DSN1: variants seen among roughly 807,000 people sequenced by gnomAD.
The protein encoded by DSN1 is DSN1 component of MIS12 kinetochore complex.
Under a neutral mutation model 45.7 loss-of-function variants are expected in DSN1, and 31 were observed. The observed-to-expected ratio is 0.68, with a 90% CI of 0.51 to 0.92. DSN1 has a LOEUF of 0.92. DSN1 is among the 40% of genes least tolerant of loss of function. The pLI is 0.00. For synonymous variants in DSN1, 134 were observed against 142.3 expected (o/e 0.94, Z 0.41); for missense variants, 394 against 414.2 (o/e 0.95, Z 0.42).
chr20:36,759,155 G>C (rs1214290415), intron 6 of DSN1, among the ~76,000 whole-genome samples: 1 of 151,848 alleles, frequency 6.6e-6, no homozygotes. Context: ...GCTAATTTTT[G>C]TATTTTTAGT....
chr20:36,758,455 T>C, intron 7 of DSN1, 103 bp downstream of exon 7: 1 of 1,013,550 alleles, frequency 9.9e-7, no homozygotes. Flanking sequence ...GATGCACTAA[T>C]GCTGACTCTC....
intron 3 of DSN1, among the ~76,000 whole-genome samples, chr20:36,768,561 G>A (rs1274289876): frequency 6.6e-6 from 1 of 152,190 alleles, no homozygotes; most frequent in Non-Finnish European, 1.5e-5. Context: ...ATTTTTAGTA[G>A]AGACAGGGTT....
intron 6 of DSN1, 88 bp downstream of exon 6, chr20:36,762,373 G>C: frequency 8.3e-7 from 1 of 1,207,486 alleles, no homozygotes; most frequent in Non-Finnish European, 1.2e-6. Flanking sequence ...GCCTCCCAAA[G>C]TGCTGGGATT....
chr20:36,772,938 C>T (rs1425412967), intron 1 of DSN1, among the ~76,000 whole-genome samples: 1 of 152,248 alleles, frequency 6.6e-6, no homozygotes, highest in Non-Finnish European at 1.5e-5. Context: ...GCAGGGATGT[C>T]ACCTAGGCAT....
rs1356870188 is a variant in DSN1, at chr20:36,752,625, T to C, written c.*163A>G. ...ATTGTCTATACAATATTCATTTGGA[T>C]GTACAAATTCCATCACTTTTTGAAA... is the stretch of plus-strand genomic sequence containing the variant. On this transcript the variant is annotated 3_prime_UTR_variant, in exon 11 of 11. Coordinates refer to ENST00000373750, the MANE Select transcript of DSN1 (RefSeq NM_001145315.2). 9.0e-6 allele frequency: 5 copies of C among 554,356 alleles called. No individual in the cohort carries two copies. Among genetic ancestry groups the C allele is most frequent in the African/African-American group, 5.7e-5 (3 of 52,720 alleles). 34.3% of individuals were successfully genotyped at this position (554,356 alleles called of 1,614,324 possible).
rs573845554 is a variant in DSN1, at chr20:36,767,002, GAA to G, written c.430-163_430-162del. 2.1e-5 allele frequency among the ~76,000 whole-genome samples: 3 copies of G among 143,164 alleles called. No individual in the cohort carries two copies. In the East Asian group the frequency reaches 6.0e-4, roughly 29 times the overall value. 93.9% of individuals were successfully genotyped at this position (143,164 alleles called of 152,430 possible). A position where few individuals can be genotyped will look rare whatever the true frequency, so the allele number is the denominator to read the frequency against. On this transcript the variant is annotated intron_variant, in intron 4 of 10. Transcript: ENST00000373750. ...CACAGAAACAAATAAATAGATAAGG[GAA>G]AAAAAAAAAACTCTTTGTTGACCAG...
intron 1 of DSN1, among the ~76,000 whole-genome samples, chr20:36,772,074 T>A (rs1025107200): frequency 6.6e-6 from 1 of 151,500 alleles, no homozygotes; most frequent in African/African-American, 2.4e-5. Context: ...AGAGATGGGG[T>A]TTCCCCATGT....
At chr20:36,756,517 G>A (rs1986686590) in intron 8 of DSN1, among the ~76,000 whole-genome samples, 1 of 152,182 alleles carries the variant, frequency 6.6e-6, no homozygotes, top group African/African-American at 2.4e-5. Flanking sequence ...ACAGGACTGA[G>A]AGTTCATGAA....
rs189195648 is a variant in DSN1, at chr20:36,760,651, G to A, written c.590+1810C>T. Among the ~76,000 whole-genome samples, 3 of 152,270 alleles carry A rather than the reference G, an allele frequency of 2.0e-5. No homozygotes were observed. The East Asian group carries it at 5.8e-4, about 29-fold the overall frequency. ...GCCTCTAATCCTAGCACTTTGGGAG[G>A]CCAGGAAGGGTGGATCACCTGAGGT... On this transcript the variant is annotated intron_variant, in intron 6 of 10. Coordinates refer to ENST00000373750, the MANE Select transcript of DSN1 (RefSeq NM_001145315.2).
At chr20:36,753,482 AC>A (rs1322884967) in intron 10 of DSN1, among the ~76,000 whole-genome samples, 3 of 151,176 alleles carry the variant, frequency 2.0e-5, no homozygotes, top group East Asian at 2.0e-4. Flanking sequence ...TACTAAAAAT[AC>A]AAAAATTAGC....
intron 5 of DSN1, 38 bp downstream of exon 5, chr20:36,766,731 G>A (rs770791987): frequency 2.6e-6 from 4 of 1,553,364 alleles, no homozygotes; most frequent in Non-Finnish European, 3.5e-6. Flanking sequence ...AGCTTTGACT[G>A]CCCAGGGTCA....
At position 36,754,705 on chromosome 20, in the gene DSN1, C is replaced by G. The variant is rs1986574865; in HGVS notation, c.961+58G>C. ...ATAGGCTTTGAAGGGCAGTTTGTAT[C>G]CCAAAGGCTATCATGGAAAACAGCC... On this transcript the variant is annotated intron_variant, in intron 10 of 10. Coordinates refer to ENST00000373750, the MANE Select transcript of DSN1 (RefSeq NM_001145315.2). 2.7e-6 allele frequency: 4 copies of G among 1,486,256 alleles called. No homozygotes were observed. The South Asian group carries it at 4.6e-5, about 17-fold the overall frequency. 92.1% of individuals were successfully genotyped at this position (1,486,256 alleles called of 1,614,324 possible). A position where few individuals can be genotyped will look rare whatever the true frequency, so the allele number is the denominator to read the frequency against.
intron 5 of DSN1, among the ~76,000 whole-genome samples, chr20:36,765,247 TAAAAAA>T (rs33998027): frequency 1.6e-4 from 12 of 75,280 alleles, no homozygotes; most frequent in African/African-American, 6.4e-4. Flanking sequence ...AGGCTTGTGT[TAAAAAA>T]AAAAAAAAAA....
At chr20:36,772,431 G>A (rs1431522576) in intron 1 of DSN1, among the ~76,000 whole-genome samples, 2 of 151,626 alleles carry the variant, frequency 1.3e-5, no homozygotes, top group African/African-American at 4.9e-5. Context: ...TGGGATTACA[G>A]GTGCCTGCCA....
chr20:36,764,931 A>AC lies in DSN1; in HGVS notation c.502+1837_502+1838insG, dbSNP rs1251435976. Among the ~76,000 whole-genome samples, 11 of 138,102 alleles carry AC rather than the reference A, an allele frequency of 8.0e-5. No individual in the cohort carries two copies. The East Asian group carries it at 2.1e-3, about 27-fold the overall frequency. 90.6% of individuals were successfully genotyped at this position (138,102 alleles called of 152,430 possible). A position where few individuals can be genotyped will look rare whatever the true frequency, so the allele number is the denominator to read the frequency against. On this transcript the variant is annotated intron_variant, in intron 5 of 10. Coordinates refer to ENST00000373750, the MANE Select transcript of DSN1 (RefSeq NM_001145315.2). ...TGAGACTCCATCTCAAAAAAAAAAA[A>AC]AGAAAGAAAGTACAAATGGCTCTAA... is the stretch of plus-strand genomic sequence containing the variant.
Position 36,771,546 on chromosome 20 carries a change from G to A in DSN1, c.-15-73C>T, listed in dbSNP as rs573760334. ...GTCTCAATGGGGCTTTACAGCCCCA[G>A]AATAAATAGGCCGTGTGCTTTCCAG... On this transcript the variant is annotated intron_variant, in intron 1 of 10. Coordinates refer to ENST00000373750, the MANE Select transcript of DSN1 (RefSeq NM_001145315.2). 3,307 of 1,393,668 alleles carry A rather than the reference G, an allele frequency of 2.4e-3. 7 individuals are homozygous for A. Among genetic ancestry groups the A allele is most frequent in the Non-Finnish European group, 3.0e-3 (2,988 of 989,572 alleles). 86.3% of individuals were successfully genotyped at this position (1,393,668 alleles called of 1,614,324 possible). A position where few individuals can be genotyped will look rare whatever the true frequency, so the allele number is the denominator to read the frequency against.
chr20:36,761,886 G>A (rs1413883445), intron 6 of DSN1, among the ~76,000 whole-genome samples: 3 of 151,804 alleles, frequency 2.0e-5, no homozygotes, highest in African/African-American at 7.3e-5. Flanking sequence ...GCGCATGCCT[G>A]TAGTCCCAGC....
chr20:36,758,247 C>T, intron 7 of DSN1, 86 bp from the exon 8 acceptor site: 4 of 1,274,466 alleles, frequency 3.1e-6, no homozygotes, highest in African/African-American at 3.0e-5. Flanking sequence ...GTGAGGTGTA[C>T]AATCTGGATG....
chr20:36,766,705 G>A (rs760322128), intron 5 of DSN1, 64 bp downstream of exon 5: 160 of 1,365,510 alleles, frequency 1.2e-4, no homozygotes, highest in Non-Finnish European at 1.5e-4. Context: ...TCTGTAAATG[G>A]GGATGCTGTG....
Sources: allele counts gnomAD v4.1 joint callset (sites outside exome capture counted in the v4.1 genomes callset), GRCh38; gene constraint gnomAD v4.1.1; transcripts MANE v1.5; gene names NCBI Gene and HGNC (gene_info 2026-07-23, HGNC 2026-07-21).